PCDHGB5: variants seen among roughly 807,000 people sequenced by gnomAD.
The protein encoded by PCDHGB5 is protocadherin gamma subfamily B, 5.
A neutral mutation model predicts 62.9 loss-of-function variants in PCDHGB5; 48 were observed. That is an observed-to-expected ratio of 0.76 (90% CI 0.61 to 0.97). The LOEUF (loss-of-function observed/expected upper bound fraction) is 0.97. Ranked by LOEUF, PCDHGB5 falls within the 50% of genes least tolerant of loss-of-function variation. The pLI is 0.00. For synonymous variants in PCDHGB5, 474 were observed against 511.2 expected, an observed-to-expected ratio of 0.93 and a Z score of 0.98; for missense variants, 1,118 against 1,198.6, an observed-to-expected ratio of 0.93 and a Z score of 0.99.
At chr5:141,419,004 T>C in intron 1 of PCDHGB5, 1 of 1,613,886 alleles carries the variant, frequency 6.2e-7, no homozygotes, top group Non-Finnish European at 8.5e-7. Context: ...AATGGGGAAG[T>C]CAGGTGTAGC....
intron 1 of PCDHGB5, chr5:141,408,313 T>G (rs375849626): frequency 6.2e-7 from 1 of 1,613,758 alleles, no homozygotes; most frequent in African/African-American, 1.3e-5. Flanking sequence ...GCTACTCGAT[T>G]CCGGAGGAGC....
intron 1 of PCDHGB5, chr5:141,414,573 A>G: frequency 6.2e-7 from 1 of 1,613,920 alleles, no homozygotes; most frequent in African/African-American, 1.3e-5. Context: ...CCTATATCCC[A>G]GAGAACAACG....
intron 1 of PCDHGB5, 88 bp from the exon 2 acceptor site, chr5:141,494,719 C>T: frequency 6.2e-7 from 1 of 1,605,960 alleles, no homozygotes; most frequent in Non-Finnish European, 8.5e-7. Flanking sequence ...CCACTCCCCT[C>T]CTTCTCTCCC....
chr5:141,404,004 C>T (rs1219625288), intron 1 of PCDHGB5: 3 of 1,613,842 alleles, frequency 1.9e-6, no homozygotes, highest in Non-Finnish European at 2.5e-6. Flanking sequence ...ACCATTACAT[C>T]TCTGTTTAGC....
chr5:141,404,129 A>G (rs753217773), intron 1 of PCDHGB5: 6 of 1,613,162 alleles, frequency 3.7e-6, no homozygotes, highest in Non-Finnish European at 5.1e-6. Context: ...TCTATCTTTT[A>G]CATTAGAAAA....
rs781289120 is a variant in PCDHGB5 at position 141,431,571 on chromosome 5, A to G, written c.2397+31047A>G. ...GTAGTCAACGCTACCGACCCTGACG[A>G]AGGAGTCAATGCGGAAGTGAGGTAT... is the stretch of plus-strand genomic sequence containing the variant. On this transcript the variant is annotated intron_variant, in intron 1 of 3. Transcript: ENST00000617380. The surrounding 1 kb of genome is among the most constrained non-coding windows in gnomAD (Gnocchi z 4.8). 6.2e-7 allele frequency: 1 copy of G among 1,614,144 alleles called. No homozygotes were observed. The highest frequency in any genetic ancestry group is 2.2e-5 in the East Asian group (1 of 44,882).
At chr5:141,422,127 A>G (rs779974245) in intron 1 of PCDHGB5, 1 of 1,600,944 alleles carries the variant, frequency 6.2e-7, no homozygotes. Context: ...CACAAACTGG[A>G]GAAGTTCAAG....
rs559433377 is a variant in PCDHGB5, at chr5:141,432,679, G to A, written c.2397+32155G>A. ...TGCTGGACAGAGACGCGCTCAAGCAGAGCCTCGTAGTGGCCGTCCAGGACC... is the reference window on the plus strand; with the variant it reads ...TGCTGGACAGAGACGCGCTCAAGCAAAGCCTCGTAGTGGCCGTCCAGGACC... On this transcript the variant is annotated intron_variant, in intron 1 of 3. Transcript: ENST00000617380. The surrounding 1 kb of genome is among the most constrained non-coding windows in gnomAD (Gnocchi z 6.0). The A allele has an allele frequency of 2.3e-4, 369 of 1,613,834 alleles. 1 individual carries two copies. The highest frequency in any genetic ancestry group is 1.7e-4 in the Middle Eastern group (1 of 6,056).
chr5:141,408,112 C>T, intron 1 of PCDHGB5: 1 of 1,460,448 alleles, frequency 6.8e-7, no homozygotes, highest in African/African-American at 1.4e-5. Flanking sequence ...CCCGGGACTC[C>T]TCCTGTCCTG....
chr5:141,463,438 CTTTTTTTT>C (rs71576115), intron 1 of PCDHGB5, among the ~76,000 whole-genome samples: 7 of 103,252 alleles, frequency 6.8e-5, no homozygotes, highest in East Asian at 2.4e-4. Flanking sequence ...TTTCCTTCTC[CTTTTTTTT>C]TTTTTTTTTT....
chr5:141,444,561 GA>G (rs778707459), intron 1 of PCDHGB5, among the ~76,000 whole-genome samples: 17 of 152,098 alleles, frequency 1.1e-4, no homozygotes, highest in Non-Finnish European at 2.1e-4. Context: ...GCACTTATTT[GA>G]CACTTTTGAC....
chr5:141,415,080 C>T (rs1426953509), intron 1 of PCDHGB5: 1 of 1,613,526 alleles, frequency 6.2e-7, no homozygotes, highest in African/African-American at 1.3e-5. Context: ...CGGCGCGAGC[C>T]CTGCTGGACA....
Position 141,403,041 on chromosome 5 carries a change from A to G in PCDHGB5, c.2397+2517A>G, listed in dbSNP as rs202099773. Reference sequence around the variant, plus strand: ...ATGCTATGGGAGGCCAGGGCCAGTCAGATTCGCTACTCAGTGCCTGAAGAG... The same window carrying G: ...ATGCTATGGGAGGCCAGGGCCAGTCGGATTCGCTACTCAGTGCCTGAAGAG... On this transcript the variant is annotated intron_variant, in intron 1 of 3. Transcript: ENST00000617380. 7.2e-5 allele frequency: 116 copies of G among 1,613,966 alleles called. No homozygotes were observed. Among genetic ancestry groups the G allele is most frequent in the Non-Finnish European group, 9.6e-5 (113 of 1,179,918 alleles).
At position 141,438,243 on chromosome 5, in the gene PCDHGB5, A is replaced by C. The variant is rs1445738408; in HGVS notation, c.2397+37719A>C. ...TGGTTCAGGAAAATGTTTTTAAAAA[A>C]CTGTCATTGAAGAGACCATAGAATC... On this transcript the variant is annotated intron_variant, in intron 1 of 3. Coordinates refer to ENST00000617380, the MANE Select transcript of PCDHGB5 (RefSeq NM_018925.3). Among the ~76,000 whole-genome samples, 3 of 152,250 alleles carry C rather than the reference A, an allele frequency of 2.0e-5. No individual in the cohort carries two copies. In the East Asian group the frequency reaches 5.8e-4, roughly 29 times the overall value.
intron 1 of PCDHGB5, chr5:141,413,755 A>G: frequency 1.2e-6 from 2 of 1,612,936 alleles, no homozygotes; most frequent in Non-Finnish European, 1.7e-6. Context: ...CAATGGCGTC[A>G]AGTACCCGGA....
At chr5:141,402,962 C>A (rs1482027682) in intron 1 of PCDHGB5, 2 of 1,604,618 alleles carry the variant, frequency 1.2e-6, no homozygotes, top group African/African-American at 2.7e-5. Flanking sequence ...AATGGCAGCT[C>A]CAACCAAATG....
intron 1 of PCDHGB5, among the ~76,000 whole-genome samples, chr5:141,407,131 T>C (rs1164616354): frequency 6.6e-6 from 1 of 152,226 alleles, no homozygotes; most frequent in African/African-American, 2.4e-5. Context: ...TGCTTTATTT[T>C]TAAGAAAAAA....
chr5:141,478,145 T>C (rs1252008984), intron 1 of PCDHGB5: 1 of 1,614,026 alleles, frequency 6.2e-7, no homozygotes. Context: ...CCGAGCCGAG[T>C]TCCCCTCTGG....
intron 1 of PCDHGB5, among the ~76,000 whole-genome samples, chr5:141,425,428 T>C (rs1037803701): frequency 1.3e-5 from 2 of 152,238 alleles, no homozygotes; most frequent in African/African-American, 4.8e-5. Context: ...TCCCATTAAA[T>C]AGAGGATAAA....
Sources: gnomAD v4.1 joint callset for allele counts (sites outside exome capture counted in the v4.1 genomes callset) on GRCh38, gnomAD v4.1.1 for gene constraint, Gnocchi (gnomAD v3.1) non-coding constraint, MANE v1.5 for transcripts, NCBI Gene and HGNC (gene_info 2026-07-23, HGNC 2026-07-21) for gene names.